EBF1: variants seen among roughly 807,000 people sequenced by gnomAD.
The protein encoded by EBF1 is EBF transcription factor 1.
A neutral mutation model predicts 68.4 loss-of-function variants in EBF1; 10 were observed. The observed-to-expected ratio is 0.15, with a 90% CI of 0.09 to 0.25. The LOEUF (loss-of-function observed/expected upper bound fraction) is 0.25. Among genes scored for constraint, EBF1 ranks in the 10% least tolerant of loss-of-function variants. The pLI is 1.00. For synonymous variants in EBF1, 298 were observed against 299.8 expected (o/e 0.99, Z 0.06); for missense variants, 509 against 794.4 (o/e 0.64, Z 4.32).
intron 8 of EBF1, among the ~76,000 whole-genome samples, chr5:158,814,324 A>G (rs1783277457): frequency 6.6e-6 from 1 of 152,176 alleles, no homozygotes; most frequent in African/African-American, 2.4e-5. Context: ...TAGCCTGGGC[A>G]ACAGAGCAAG....
chr5:158,931,464 T>G (rs1188437610), intron 6 of EBF1, among the ~76,000 whole-genome samples: 1 of 152,192 alleles, frequency 6.6e-6, no homozygotes, highest in Non-Finnish European at 1.5e-5. Flanking sequence ...CTCGTGGAGT[T>G]TTTTAGAACA....
intron 6 of EBF1, among the ~76,000 whole-genome samples, chr5:159,001,122 G>T (rs1762444363): frequency 6.6e-6 from 1 of 152,112 alleles, no homozygotes; most frequent in Non-Finnish European, 1.5e-5. Flanking sequence ...TTAAAAGTCA[G>T]ACAATGTAAA....
chr5:158,844,186 G>T (rs1790912152), intron 6 of EBF1, among the ~76,000 whole-genome samples: 3 of 89,998 alleles, frequency 3.3e-5, no homozygotes, highest in African/African-American at 4.1e-5. Context: ...TTTAACTCAA[G>T]CCTTTTTTTT....
intron 9 of EBF1, among the ~76,000 whole-genome samples, chr5:158,781,455 A>C (rs1031999883): frequency 5.9e-5 from 9 of 152,120 alleles, no homozygotes; most frequent in Non-Finnish European, 1.3e-4. Context: ...ACACTTGTAG[A>C]CTTGATCTCT....
At chr5:158,845,705 GAA>G (rs374702772) in intron 6 of EBF1, among the ~76,000 whole-genome samples, 1 of 138,280 alleles carries the variant, frequency 7.2e-6, no homozygotes, top group African/African-American at 2.7e-5. Flanking sequence ...CCTACAAAAA[GAA>G]AAAAAAAAAA....
At chr5:158,907,578 A>G (rs1804930102) in intron 6 of EBF1, among the ~76,000 whole-genome samples, 5 of 152,164 alleles carry the variant, frequency 3.3e-5, no homozygotes, top group African/African-American at 1.2e-4. Flanking sequence ...ATATGTTACC[A>G]AAACCTTCCT....
At chr5:159,051,499 G>T (rs1226883641) in intron 6 of EBF1, among the ~76,000 whole-genome samples, 4 of 145,856 alleles carry the variant, frequency 2.7e-5, no homozygotes, top group Admixed American at 2.1e-4. Flanking sequence ...CTCGTGTTTC[G>T]GCTTTCGCTG....
intron 6 of EBF1, among the ~76,000 whole-genome samples, chr5:159,040,806 C>T (rs1031735863): frequency 2.0e-5 from 3 of 152,282 alleles, no homozygotes; most frequent in Non-Finnish European, 2.9e-5. Flanking sequence ...AATCAGAATT[C>T]CATACCTTTT....
chr5:158,976,980 G>A (rs1182657485), intron 6 of EBF1, among the ~76,000 whole-genome samples: 14 of 152,164 alleles, frequency 9.2e-5, no homozygotes, highest in Admixed American at 7.9e-4. Flanking sequence ...TGCTCCTGGG[G>A]TAGTCATCCC....
At chr5:158,854,417 C>T (rs1383520045) in intron 6 of EBF1, among the ~76,000 whole-genome samples, 1 of 152,158 alleles carries the variant, frequency 6.6e-6, no homozygotes, top group Non-Finnish European at 1.5e-5. Flanking sequence ...TCTCCCAGAC[C>T]TTTGGCAGCT....
chr5:158,840,020 C>G lies in EBF1; in HGVS notation c.636+9G>C, dbSNP rs765759418. The G allele has an allele frequency of 2.5e-6, 4 of 1,613,256 alleles. No homozygotes were observed. In the Admixed American group the frequency reaches 6.7e-5, roughly 27 times the overall value. ...TTATTGAGATTCAAGAAAGATAAGT[C>G]AGACCCACCTGGAATCTCCGCATGT... On this transcript the variant is annotated intron_variant, in intron 7 of 15. Coordinates refer to ENST00000313708, the MANE Select transcript of EBF1 (RefSeq NM_024007.5).
intron 5 of EBF1, among the ~76,000 whole-genome samples, chr5:159,075,152 T>C (rs1482581916): frequency 6.6e-6 from 1 of 152,118 alleles, no homozygotes; most frequent in African/African-American, 2.4e-5. Context: ...TCCTCATCTG[T>C]AAAATGGAGC....
intron 6 of EBF1, among the ~76,000 whole-genome samples, chr5:158,866,827 G>T (rs1338089589): frequency 1.7e-5 from 1 of 58,364 alleles, no homozygotes; most frequent in Non-Finnish European, 3.1e-5. Context: ...GTATATATAT[G>T]TATATGTATA....
chr5:158,808,053 C>G (rs564858345), intron 8 of EBF1, among the ~76,000 whole-genome samples: 9 of 152,252 alleles, frequency 5.9e-5, no homozygotes, highest in African/African-American at 1.9e-4. Context: ...AGCCAGTTTC[C>G]TCTCCTCCCT....
intron 6 of EBF1, among the ~76,000 whole-genome samples, chr5:158,921,203 G>A (rs1177745544): frequency 6.6e-6 from 1 of 151,922 alleles, no homozygotes; most frequent in East Asian, 1.9e-4. Context: ...CAAGGGTGAT[G>A]AGCTTCGTTT....
intron 6 of EBF1, among the ~76,000 whole-genome samples, chr5:158,960,778 C>T (rs977763010): frequency 3.3e-5 from 5 of 152,170 alleles, no homozygotes; most frequent in Non-Finnish European, 5.9e-5. Flanking sequence ...TGTAGGCTCA[C>T]TCAGTGTGGG....
intron 6 of EBF1, among the ~76,000 whole-genome samples, chr5:158,920,817 G>T (rs1808256405): frequency 6.6e-6 from 1 of 152,114 alleles, no homozygotes; most frequent in Admixed American, 6.6e-5. Flanking sequence ...TCCTTTTAGT[G>T]CAGGCTCTGG....
At chr5:159,030,412 C>G (rs986667477) in intron 6 of EBF1, among the ~76,000 whole-genome samples, 1 of 152,072 alleles carries the variant, frequency 6.6e-6, no homozygotes, top group Non-Finnish European at 1.5e-5. Context: ...AAGAAATACT[C>G]CACAAATATT....
intron 6 of EBF1, among the ~76,000 whole-genome samples, chr5:158,963,787 C>T (rs955761213): frequency 6.6e-6 from 1 of 152,212 alleles, no homozygotes; most frequent in African/African-American, 2.4e-5. Context: ...ATTTTCTCTG[C>T]ACAATTTCTA....
Sources: allele counts gnomAD v4.1 joint callset (sites outside exome capture counted in the v4.1 genomes callset), GRCh38; gene constraint gnomAD v4.1.1; transcripts MANE v1.5; gene names NCBI Gene and HGNC (gene_info 2026-07-23, HGNC 2026-07-21).